The following LARP4B variants were observed in gnomAD, a reference collection of about 807,000 sequenced individuals.
LARP4B encodes la-related protein 4B.
In LARP4B, 12 loss-of-function variants were observed where a neutral mutation model predicts 89.8. That is an observed-to-expected ratio of 0.13 (90% confidence interval 0.09 to 0.22). The LOEUF is 0.22. Ranked by LOEUF, LARP4B falls within the 10% of genes least tolerant of loss-of-function variation. The probability of loss-of-function intolerance (pLI) is 1.00; values close to 1 mark genes in which losing one functional copy is unlikely to be tolerated. For synonymous variants in LARP4B, 367 were observed against 363.3 expected (o/e 1.01, Z -0.12); for missense variants, 757 against 947.7 (o/e 0.80, Z 2.64).
intron 7 of LARP4B, among the ~76,000 whole-genome samples, chr10:838,397 C>A (rs1833339972): frequency 6.6e-6 from 1 of 152,028 alleles, no homozygotes; most frequent in African/African-American, 2.4e-5. Flanking sequence ...CATCAAAATG[C>A]ACAAAAAACT....
chr10:870,383 C>T (rs959107855), intron 3 of LARP4B, among the ~76,000 whole-genome samples: 2 of 152,218 alleles, frequency 1.3e-5, no homozygotes, highest in African/African-American at 2.4e-5. Context: ...GTGGCCACTA[C>T]TTGGTACAAT....
At chr10:851,180 CTTTTTTT>C (rs144483000) in intron 5 of LARP4B, among the ~76,000 whole-genome samples, 2 of 131,562 alleles carry the variant, frequency 1.5e-5, no homozygotes, top group South Asian at 2.4e-4. Context: ...AAAACACTAA[CTTTTTTT>C]TTTTTTTTTT....
At chr10:841,862 A>C (rs532099142) in intron 7 of LARP4B, among the ~76,000 whole-genome samples, 4 of 152,340 alleles carry the variant, frequency 2.6e-5, no homozygotes, top group Admixed American at 2.6e-4. Flanking sequence ...TATTTGTCTA[A>C]AAACAGAAAA....
At chr10:931,019 C>T (rs2132074110) in intron 1 of LARP4B, among the ~76,000 whole-genome samples, 1 of 151,110 alleles carries the variant, frequency 6.6e-6, no homozygotes, top group East Asian at 1.9e-4. Flanking sequence ...TCGCCCAACC[C>T]CGGCCTCCCG....
chr10:908,235 G>A (rs187148687), intron 1 of LARP4B, among the ~76,000 whole-genome samples: 1 of 152,178 alleles, frequency 6.6e-6, no homozygotes, highest in East Asian at 1.9e-4. Flanking sequence ...AAAAGGACTC[G>A]GTTTGGGGAG....
intron 1 of LARP4B, among the ~76,000 whole-genome samples, chr10:916,537 A>G (rs1836826994): frequency 6.6e-6 from 1 of 152,090 alleles, no homozygotes; most frequent in Admixed American, 6.6e-5. Flanking sequence ...CTCTACTAAA[A>G]ATACAAAACT....
the LARP4B span, among the ~76,000 whole-genome samples, chr10:976,065 C>T: frequency 1.7e-5 from 2 of 119,826 alleles, no homozygotes; most frequent in African/African-American, 5.8e-5. Flanking sequence ...AGAATGTAAG[C>T]CTGTCGCGTA....
At chr10:888,971 GCT>G (rs1160420354) in intron 1 of LARP4B, among the ~76,000 whole-genome samples, 3 of 152,160 alleles carry the variant, frequency 2.0e-5, no homozygotes, top group African/African-American at 7.2e-5. Context: ...TGTAGTCCCA[GCT>G]CCTTCGGAGG....
At chr10:942,596 A>C in the LARP4B span, 1 of 152,332 alleles carries the variant, frequency 6.6e-6, no homozygotes, top group South Asian at 2.1e-4. Flanking sequence ...TTAGAAAGAA[A>C]GATACTGATA....
intron 1 of LARP4B, among the ~76,000 whole-genome samples, chr10:914,533 G>A (rs1419871031): frequency 1.4e-5 from 2 of 147,178 alleles, no homozygotes; most frequent in African/African-American, 5.0e-5. Flanking sequence ...GTGGTGGCTC[G>A]CACCCGTAAT....
intron 3 of LARP4B, among the ~76,000 whole-genome samples, chr10:872,442 C>T (rs983893307): frequency 3.3e-5 from 5 of 152,220 alleles, no homozygotes; most frequent in South Asian, 2.1e-4. Context: ...TCCTCTGCCA[C>T]GCTTGGGCAG....
At chr10:903,356 G>C (rs533113857) in intron 1 of LARP4B, 1 of 152,292 alleles carries the variant, frequency 6.6e-6, no homozygotes, top group South Asian at 2.1e-4. Flanking sequence ...TTTGGACAAA[G>C]AGCAGAACTG....
chr10:975,143 T>A, the LARP4B span, among the ~76,000 whole-genome samples: 4 of 152,230 alleles, frequency 2.6e-5, no homozygotes, highest in Non-Finnish European at 5.9e-5. Context: ...AAAAGGGAAA[T>A]ACATACAAGT....
At chr10:974,112 AT>A in the LARP4B span, among the ~76,000 whole-genome samples, 1 of 152,116 alleles carries the variant, frequency 6.6e-6, no homozygotes, top group African/African-American at 2.4e-5. Flanking sequence ...TGCACAGCTA[AT>A]CAAACATCAC....
chr10:837,445 C>T (rs1407212704), intron 7 of LARP4B, among the ~76,000 whole-genome samples: 1 of 152,150 alleles, frequency 6.6e-6, no homozygotes, highest in Non-Finnish European at 1.5e-5. Flanking sequence ...AAAACACCAA[C>T]AGGACTTTTT....
chr10:884,957 T>C (rs1835806641), intron 2 of LARP4B, among the ~76,000 whole-genome samples: 1 of 152,192 alleles, frequency 6.6e-6, no homozygotes, highest in African/African-American at 2.4e-5. Context: ...CAATTTTGTT[T>C]TTGTTATCAT....
At chr10:880,039 G>A (rs1835608455) in intron 3 of LARP4B, among the ~76,000 whole-genome samples, 2 of 152,086 alleles carry the variant, frequency 1.3e-5, no homozygotes, top group African/African-American at 4.8e-5. Context: ...CTCCCAAAGT[G>A]CTGGGATTAC....
chr10:967,063 G>A, the LARP4B span, among the ~76,000 whole-genome samples: 7 of 152,198 alleles, frequency 4.6e-5, no homozygotes, highest in African/African-American at 1.7e-4. Flanking sequence ...AGGGGTCTCC[G>A]ATGAGGCCTC....
chr10:832,038 A>AT (rs965558273), intron 8 of LARP4B, among the ~76,000 whole-genome samples: 14 of 151,406 alleles, frequency 9.2e-5, no homozygotes, highest in Admixed American at 3.9e-4. Flanking sequence ...TTTATTTTTT[A>AT]TTTTTTTTTA....
Sources: gnomAD v4.1 joint callset for allele counts (sites outside exome capture counted in the v4.1 genomes callset) on GRCh38, gnomAD v4.1.1 for gene constraint, MANE v1.5 for transcripts, NCBI Gene and HGNC (gene_info 2026-07-23, HGNC 2026-07-21) for gene names.